Variants in ZNF251 observed in about 807,000 individuals in gnomAD.
ZNF251 encodes the protein zinc finger protein 251.
Under a neutral mutation model 13.5 loss-of-function variants are expected in ZNF251, and 14 were observed. The observed-to-expected ratio is 1.04, with a 90% CI of 0.69 to 1.63. The LOEUF (loss-of-function observed/expected upper bound fraction) is 1.63, where lower values mean the gene tolerates loss of function less well. Among genes scored for constraint, ZNF251 ranks in the 40% most tolerant of loss-of-function variants. ZNF251 has a pLI of 0.00. For missense variants in ZNF251, 764 were observed against 834.9 expected, an observed-to-expected ratio of 0.92 and a Z score of 1.05; for synonymous variants, 287 against 295.2, an observed-to-expected ratio of 0.97 and a Z score of 0.28.
chr8:144,755,479 C>T lies in ZNF251; in HGVS notation c.-150G>A. ...CAGTCGCACCGAGCCCGGAACGGAC[C>T]CTCCCACAGAACCGGGTCCAGAGCC... On this transcript the variant is annotated 5_prime_UTR_variant, in exon 1 of 5. Coordinates refer to ENST00000292562, the MANE Select transcript of ZNF251 (RefSeq NM_138367.2). The T allele has an allele frequency of 7.8e-7, 1 of 1,287,394 alleles. No individual in the cohort carries two copies. The allele number at this position is 1,287,394 out of a possible 1,614,324, so 79.7% of individuals were successfully genotyped here.
Position 144,748,549 on chromosome 8 carries a change from GTCA to G in ZNF251, c.277+5131_277+5133del, listed in dbSNP as rs1824537806. ...TTTTTTTTGTTCATGGCAAGATCTT[GTCA>G]TGAGACAGCAGGTTTCTTTTTTCTT... On this transcript the variant is annotated intron_variant, in intron 4 of 4. Coordinates refer to ENST00000292562, the MANE Select transcript of ZNF251 (RefSeq NM_138367.2). 5.9e-5 allele frequency among the ~76,000 whole-genome samples: 9 copies of G among 151,312 alleles called. No homozygotes were observed. In the South Asian group the frequency reaches 1.7e-3, roughly 28 times the overall value.
intron 4 of ZNF251, among the ~76,000 whole-genome samples, chr8:144,741,247 C>A (rs1395066582): frequency 6.6e-6 from 1 of 152,198 alleles, no homozygotes; most frequent in Non-Finnish European, 1.5e-5. Flanking sequence ...AACACACAAG[C>A]CTCAGAAAGC....
At position 144,721,553 on chromosome 8, in the gene ZNF251, T is replaced by C; in HGVS notation, c.*91A>G. The C allele has an allele frequency of 8.3e-7, 1 of 1,201,546 alleles. No homozygotes were observed. The highest frequency in any genetic ancestry group is 4.0e-5 in the South Asian group (1 of 25,176). 74.4% of individuals were successfully genotyped at this position (1,201,546 alleles called of 1,614,324 possible). ...TGAACTATTTATTTTACTTTGCCAGTAATATTTAGACCTTATATATCTTTC... is the reference window on the plus strand; with the variant it reads ...TGAACTATTTATTTTACTTTGCCAGCAATATTTAGACCTTATATATCTTTC... On this transcript the variant is annotated 3_prime_UTR_variant, in exon 5 of 5. Transcript: ENST00000292562.
In ZNF251 at chr8:144,723,205, C is replaced by G; in HGVS notation, c.455G>C (p.Gly152Ala). The change falls in exon 5 of 5, where the codon GGG (glycine) becomes GCG (alanine). Residue 152 changes from glycine to alanine, a missense_variant. Gly to Ala is a moderately conservative substitution (Grantham distance 60). Coordinates refer to ENST00000292562, the MANE Select transcript of ZNF251 (RefSeq NM_138367.2). ...AATATTGGGTTTGTTCAAACTCTGC[C>G]CGGCAGAATTTCCCACGCGCTCTTT... ...KLKERVGNSA[G>A]QSLNKPNIHK... 1 of 1,612,678 alleles carries G rather than the reference C, an allele frequency of 6.2e-7. No homozygotes were observed. Among genetic ancestry groups the G allele is most frequent in the Non-Finnish European group, 8.5e-7 (1 of 1,179,342 alleles).
intron 4 of ZNF251, among the ~76,000 whole-genome samples, chr8:144,746,657 AT>A (rs1824444310): frequency 1.3e-5 from 2 of 152,202 alleles, no homozygotes; most frequent in South Asian, 4.1e-4. Flanking sequence ...GATTTGACTT[AT>A]TTAACAGACA....
intron 4 of ZNF251, among the ~76,000 whole-genome samples, chr8:144,750,223 T>C (rs1055132367): frequency 3.3e-5 from 5 of 152,336 alleles, no homozygotes; most frequent in South Asian, 4.1e-4. Flanking sequence ...GCTTTGTAAT[T>C]TTCTGTTGAT....
chr8:144,751,179 G>T (rs1824677011), intron 4 of ZNF251, among the ~76,000 whole-genome samples: 1 of 152,118 alleles, frequency 6.6e-6, no homozygotes, highest in African/African-American at 2.4e-5. Context: ...GCAGTGATTT[G>T]TCCTCTGACC....
intron 4 of ZNF251, among the ~76,000 whole-genome samples, chr8:144,740,387 A>C (rs1013778829): frequency 3.9e-5 from 6 of 152,100 alleles, no homozygotes; most frequent in Non-Finnish European, 8.8e-5. Context: ...CCGTAATCCC[A>C]GCACTTTGGG....
chr8:144,735,101 A>G (rs941694404), intron 4 of ZNF251, among the ~76,000 whole-genome samples: 7 of 145,700 alleles, frequency 4.8e-5, no homozygotes, highest in African/African-American at 1.8e-4. Flanking sequence ...GAGATTTTAC[A>G]TTGGCTGGGC....
At chr8:144,745,040 G>C (rs1015025825) in intron 4 of ZNF251, among the ~76,000 whole-genome samples, 1 of 152,112 alleles carries the variant, frequency 6.6e-6, no homozygotes, top group Non-Finnish European at 1.5e-5. Context: ...TGGGTGACCA[G>C]AACGAGACTC....
At chr8:144,728,345 C>T (rs1823579322) in intron 4 of ZNF251, among the ~76,000 whole-genome samples, 1 of 151,982 alleles carries the variant, frequency 6.6e-6, no homozygotes, top group Non-Finnish European at 1.5e-5. Context: ...GATCGCAGAT[C>T]ACAGAGCACC....
At position 144,737,872 on chromosome 8, in the gene ZNF251, T is replaced by G. The variant is rs1448543062; in HGVS notation, c.278-14490A>C. ...AAAAAAAAAAAAAAAAGGGTTATGC[T>G]ATCACCCCACATAAAATACAGGGGC... On this transcript the variant is annotated intron_variant, in intron 4 of 4. Transcript: ENST00000292562. Among the ~76,000 whole-genome samples, 10 of 144,924 alleles carry G rather than the reference T, an allele frequency of 6.9e-5. No individual in the cohort carries two copies. The East Asian group carries it at 1.9e-3, about 27-fold the overall frequency.
Position 144,721,694 on chromosome 8 carries a change from T to C in ZNF251, c.1966A>G (p.Lys656Glu). ...TTCTTGATATGAATAAAGTATCTTT[T>C]AGAGCCATCATTTAAAGCAGGTTTC... The part of the protein sequence containing the change: ...GEKPALNDGS[K>E]RYFIHIKKIF... Residue 656 changes from lysine (K) to glutamate (E), a missense_variant, in exon 5 of 5, where the codon AAA (lysine) becomes GAA (glutamate). By Grantham distance (56) the Lys-to-Glu change is moderately conservative. Coordinates refer to ENST00000292562, the MANE Select transcript of ZNF251 (RefSeq NM_138367.2). The C allele has an allele frequency of 7.3e-7, 1 of 1,375,108 alleles. No homozygotes were observed. Among genetic ancestry groups the C allele is most frequent in the Non-Finnish European group, 9.5e-7 (1 of 1,056,196 alleles). 85.2% of individuals were successfully genotyped at this position (1,375,108 alleles called of 1,614,324 possible). A position where few individuals can be genotyped will look rare whatever the true frequency, so the allele number is the denominator to read the frequency against.
rs1250594627 is a variant in ZNF251, at chr8:144,755,433, A to G, written c.-104T>C. The G allele has an allele frequency of 7.8e-7, 1 of 1,288,068 alleles. No individual in the cohort carries two copies. Among genetic ancestry groups the G allele is most frequent in the Non-Finnish European group, 1.0e-6 (1 of 988,828 alleles). 79.8% of individuals were successfully genotyped at this position (1,288,068 alleles called of 1,614,324 possible). ...TTTGCTCGACCCGGGGAAGCCACCG[A>G]GGAAGCGCCGAGGAGCTGCGCAGTC... is the stretch of plus-strand genomic sequence containing the variant. On this transcript the variant is annotated 5_prime_UTR_variant, in exon 1 of 5. Coordinates refer to ENST00000292562, the MANE Select transcript of ZNF251 (RefSeq NM_138367.2).
rs369277208 is a variant in ZNF251, at chr8:144,728,047, C to T, written c.278-4665G>A. The stretch of plus-strand genomic sequence containing the variant: ...CCTGGCTTTGGCCTGTCTCAGTTTT[C>T]ACCGCACCTTCCTTACTAAACTTGG... On this transcript the variant is annotated intron_variant, in intron 4 of 4. Coordinates refer to ENST00000292562, the MANE Select transcript of ZNF251 (RefSeq NM_138367.2). Among the ~76,000 whole-genome samples, 222 of 152,352 alleles carry T rather than the reference C, an allele frequency of 1.5e-3. 13 individuals carry two copies. The South Asian group carries it at 0.045, about 31-fold the overall frequency.
At chr8:144,735,381 C>CAAA (rs145271344) in intron 4 of ZNF251, among the ~76,000 whole-genome samples, 1,789 of 94,520 alleles carry the variant, frequency 0.019, 53 homozygotes, top group African/African-American at 0.07. Context: ...GACTCCGTCT[C>CAAA]AAAAAAAAAA....
chr8:144,755,527 A>G lies in ZNF251; in HGVS notation c.-198T>C. On this transcript the variant is annotated 5_prime_UTR_variant, in exon 1 of 5. Coordinates refer to ENST00000292562, the MANE Select transcript of ZNF251 (RefSeq NM_138367.2). ...GCCGGGGAGGGGGCGGGCTAGGATG[A>G]AGAGGGCGGGCCGGGCCGAGCTGCG... The G allele has an allele frequency of 2.3e-6, 3 of 1,284,924 alleles. No homozygotes were observed. Among genetic ancestry groups the G allele is most frequent in the Non-Finnish European group, 3.0e-6 (3 of 987,556 alleles). 79.6% of individuals were successfully genotyped at this position (1,284,924 alleles called of 1,614,324 possible). A position where few individuals can be genotyped will look rare whatever the true frequency, so the allele number is the denominator to read the frequency against.
intron 4 of ZNF251, among the ~76,000 whole-genome samples, chr8:144,732,843 C>G (rs1050580216): frequency 4.0e-5 from 6 of 150,414 alleles, no homozygotes; most frequent in African/African-American, 9.8e-5. Context: ...CATTGGACAG[C>G]CTTAGAACCT....
chr8:144,723,110 T>A lies in ZNF251; in HGVS notation c.550A>T (p.Ser184Cys), dbSNP rs2129921127. The change falls in exon 5 of 5, where the codon AGT becomes TGT. Residue 184 changes from serine to cysteine, a missense_variant. Coordinates refer to ENST00000292562, the MANE Select transcript of ZNF251 (RefSeq NM_138367.2). ...AGATTCAAGTTTCTATCAAATGCACTACACTCTTGGGTTCTTTCTCCCAAA... is the reference window on the plus strand; with the variant it reads ...AGATTCAAGTTTCTATCAAATGCACAACACTCTTGGGTTCTTTCTCCCAAA... ...RSLGERTQEC[S>C]AFDRNLNLDQ... is the part of the protein sequence containing the mutation. 1 of 1,614,084 alleles carries A rather than the reference T, an allele frequency of 6.2e-7. No homozygotes were observed. Among genetic ancestry groups the A allele is most frequent in the South Asian group, 1.1e-5 (1 of 91,088 alleles).
Sources: gnomAD v4.1 joint callset for allele counts (sites outside exome capture counted in the v4.1 genomes callset) on GRCh38, gnomAD v4.1.1 for gene constraint, MANE v1.5 for transcripts, NCBI Gene and HGNC (gene_info 2026-07-23, HGNC 2026-07-21) for gene names.